The following SIPA1L1 variants were observed in gnomAD, a reference collection of about 807,000 sequenced individuals.
SIPA1L1 encodes signal induced proliferation associated 1 like 1.
SIPA1L1 carries 26 observed loss-of-function variants against 162.7 expected under a neutral mutation model. That is an observed-to-expected ratio of 0.16 (90% CI 0.12 to 0.22). The LOEUF (loss-of-function observed/expected upper bound fraction) is 0.22. Ranked by LOEUF, SIPA1L1 falls within the 10% of genes least tolerant of loss-of-function variation. The probability of loss-of-function intolerance (pLI) is 1.00; values close to 1 mark genes in which losing one functional copy is unlikely to be tolerated. For synonymous variants in SIPA1L1, 829 were observed against 837.4 expected (o/e 0.99, Z 0.17); for missense variants, 1,874 against 2,241.0 (o/e 0.84, Z 3.31).
intron 2 of SIPA1L1, among the ~76,000 whole-genome samples, chr14:71,422,068 T>G (rs779374944): frequency 3.3e-5 from 5 of 152,208 alleles, no homozygotes; most frequent in Non-Finnish European, 5.9e-5. Context: ...ATGCTAACAT[T>G]TTTAACAGTT....
Position 71,510,177 on chromosome 14 carries a change from CTTTTTT to C in SIPA1L1, c.-464-2547_-464-2542del, listed in dbSNP as rs985233367. ...GCTAGTTCCCCTTAATCCCCCCCAC[CTTTTTT>C]TTTTTTTTTTTTTTTTTTGTGAGAT... On this transcript the variant is annotated intron_variant, in intron 2 of 23. Transcript: ENST00000381232. 1.2e-4 allele frequency among the ~76,000 whole-genome samples: 9 copies of C among 77,490 alleles called. No homozygotes were observed. The South Asian group carries it at 4.4e-3, about 38-fold the overall frequency. The allele number at this position is 77,490 out of a possible 152,430, so 50.8% of individuals were successfully genotyped here. A position where few individuals can be genotyped will look rare whatever the true frequency, so the allele number is the denominator to read the frequency against.
chr14:71,382,534 G>A (rs1391679837), intron 2 of SIPA1L1, among the ~76,000 whole-genome samples: 2 of 152,208 alleles, frequency 1.3e-5, no homozygotes, highest in Non-Finnish European at 2.9e-5. Flanking sequence ...CAGTCCGAAG[G>A]TGACTCCATT....
At chr14:71,696,782 C>G (rs2081662356) in intron 13 of SIPA1L1, among the ~76,000 whole-genome samples, 1 of 152,204 alleles carries the variant, frequency 6.6e-6, no homozygotes, top group East Asian at 1.9e-4. Flanking sequence ...AATAACCATT[C>G]TGTATGACTT....
intron 2 of SIPA1L1, among the ~76,000 whole-genome samples, chr14:71,451,885 G>A (rs1247935844): frequency 6.6e-6 from 1 of 151,820 alleles, no homozygotes; most frequent in Non-Finnish European, 1.5e-5. Flanking sequence ...TTGAGAGAAG[G>A]GAAAATGGTC....
intron 4 of SIPA1L1, among the ~76,000 whole-genome samples, chr14:71,562,970 A>G (rs1181951797): frequency 6.6e-6 from 1 of 152,052 alleles, no homozygotes; most frequent in Non-Finnish European, 1.5e-5. Context: ...TGTTCATAGC[A>G]CTTTGTAGCA....
intron 2 of SIPA1L1, among the ~76,000 whole-genome samples, chr14:71,397,945 A>G (rs2041341687): frequency 6.6e-6 from 1 of 151,306 alleles, no homozygotes; most frequent in Non-Finnish European, 1.5e-5. Context: ...AAATTCCCAC[A>G]CAGAGTTTCT....
intron 8 of SIPA1L1, among the ~76,000 whole-genome samples, chr14:71,655,009 C>T (rs2042940818): frequency 6.6e-6 from 1 of 152,066 alleles, no homozygotes; most frequent in African/African-American, 2.4e-5. Flanking sequence ...GGGTATATTG[C>T]ATAATGCTGG....
intron 2 of SIPA1L1, among the ~76,000 whole-genome samples, chr14:71,343,016 C>T (rs935454442): frequency 4.6e-5 from 7 of 152,326 alleles, no homozygotes; most frequent in Admixed American, 3.3e-4. Flanking sequence ...GAATTCCACT[C>T]CTGGTGCACT....
chr14:71,605,632 TTGTC>T (rs1210473010), intron 5 of SIPA1L1, among the ~76,000 whole-genome samples: 1 of 152,194 alleles, frequency 6.6e-6, no homozygotes, highest in Non-Finnish European at 1.5e-5. Flanking sequence ...TATAATGTCT[TTGTC>T]TGTAAACAGC....
intron 10 of SIPA1L1, among the ~76,000 whole-genome samples, chr14:71,668,048 G>C (rs1314493037): frequency 1.3e-5 from 2 of 151,856 alleles, no homozygotes. Context: ...CTGGGCAACA[G>C]AGTGAGACTC....
chr14:71,586,855 G>A (rs916778741), intron 4 of SIPA1L1: 1 of 152,154 alleles, frequency 6.6e-6, no homozygotes, highest in Non-Finnish European at 1.5e-5. Context: ...GCTTTTAAGA[G>A]TACAAGAAAC....
At chr14:71,567,516 A>G (rs540277141) in intron 4 of SIPA1L1, among the ~76,000 whole-genome samples, 209 of 152,312 alleles carry the variant, frequency 1.4e-3, no homozygotes, top group Non-Finnish European at 2.5e-3. Flanking sequence ...AAGAATGGCT[A>G]CTCCATAGGC....
intron 17 of SIPA1L1, among the ~76,000 whole-genome samples, chr14:71,712,895 A>C (rs1227253196): frequency 6.6e-6 from 1 of 152,080 alleles, no homozygotes; most frequent in Non-Finnish European, 1.5e-5. Context: ...CCCCTCAGAC[A>C]CCTGTAGCCA....
intron 13 of SIPA1L1, among the ~76,000 whole-genome samples, chr14:71,692,595 T>G (rs1566664855): frequency 6.6e-6 from 1 of 152,222 alleles, no homozygotes; most frequent in Non-Finnish European, 1.5e-5. Context: ...ACTGCAACAG[T>G]GGTTCCTATT....
At chr14:71,511,396 C>T (rs1465197703) in intron 2 of SIPA1L1, among the ~76,000 whole-genome samples, 2 of 152,066 alleles carry the variant, frequency 1.3e-5, no homozygotes, top group Non-Finnish European at 2.9e-5. Context: ...GCAATTCTCC[C>T]ACCTCAGCCT....
At chr14:71,510,124 T>C (rs2051004181) in intron 2 of SIPA1L1, among the ~76,000 whole-genome samples, 1 of 151,254 alleles carries the variant, frequency 6.6e-6, no homozygotes, top group African/African-American at 2.4e-5. Flanking sequence ...TTTCTCTTTA[T>C]ACAGCTTGCT....
intron 2 of SIPA1L1, among the ~76,000 whole-genome samples, chr14:71,470,068 T>C (rs1193560908): frequency 3.9e-5 from 6 of 152,346 alleles, no homozygotes; most frequent in Non-Finnish European, 7.3e-5. Flanking sequence ...AGGAGCTTTG[T>C]AAATACTTGG....
At chr14:71,356,685 C>T (rs2037304924) in intron 2 of SIPA1L1, among the ~76,000 whole-genome samples, 1 of 151,754 alleles carries the variant, frequency 6.6e-6, no homozygotes, top group Non-Finnish European at 1.5e-5. Flanking sequence ...CACTGTACTC[C>T]AGCCTGGGCA....
At chr14:71,464,815 A>G (rs986974404) in intron 2 of SIPA1L1, among the ~76,000 whole-genome samples, 10 of 152,148 alleles carry the variant, frequency 6.6e-5, no homozygotes, top group African/African-American at 2.4e-4. Flanking sequence ...AGAAAACTCA[A>G]AACAGTTCTT....
Sources: gnomAD v4.1 joint callset for allele counts (sites outside exome capture counted in the v4.1 genomes callset) on GRCh38, gnomAD v4.1.1 for gene constraint, MANE v1.5 for transcripts, NCBI Gene and HGNC (gene_info 2026-07-23, HGNC 2026-07-21) for gene names.